Variants in BCL2 observed in about 807,000 individuals in gnomAD.
BCL2 encodes apoptosis regulator Bcl-2.
Under a neutral mutation model 14.2 loss-of-function variants are expected in BCL2, and 1 was observed. That is an observed-to-expected ratio of 0.07 (90% confidence interval 0.02 to 0.33). The LOEUF is 0.33. BCL2 is among the 10% of genes least tolerant of loss of function. BCL2 has a pLI of 0.99. For synonymous variants in BCL2, 151 were observed against 137.2 expected, an observed-to-expected ratio of 1.10 and a Z score of -0.70; for missense variants, 247 against 305.9, an observed-to-expected ratio of 0.81 and a Z score of 1.44.
intron 2 of BCL2, among the ~76,000 whole-genome samples, chr18:63,167,347 T>C (rs866815582): frequency 4.6e-5 from 7 of 152,244 alleles, no homozygotes; most frequent in African/African-American, 1.7e-4. Flanking sequence ...TTCTAGGACA[T>C]TTTAAATACA....
At chr18:63,203,150 C>T (rs1390885628) in intron 2 of BCL2, among the ~76,000 whole-genome samples, 3 of 152,306 alleles carry the variant, frequency 2.0e-5, no homozygotes, top group South Asian at 2.1e-4. Flanking sequence ...AAGCCCCTTA[C>T]GAAAACGTCT....
chr18:63,206,381 T>C (rs901026284), intron 2 of BCL2, among the ~76,000 whole-genome samples: 1 of 152,270 alleles, frequency 6.6e-6, no homozygotes, highest in African/African-American at 2.4e-5. Context: ...ACAGGGCATG[T>C]AGCCTTTTCC....
intron 2 of BCL2, among the ~76,000 whole-genome samples, chr18:63,271,101 C>T (rs569081335): frequency 6.6e-6 from 1 of 152,332 alleles, no homozygotes; most frequent in East Asian, 1.9e-4. Context: ...AGATTACAAG[C>T]ATGAGCCACT....
At chr18:63,223,862 A>G (rs187476335) in intron 2 of BCL2, among the ~76,000 whole-genome samples, 34 of 152,362 alleles carry the variant, frequency 2.2e-4, no homozygotes, top group Admixed American at 4.6e-4. Context: ...ATTCTTAAAT[A>G]TGGTCAGACA....
At chr18:63,236,207 C>T (rs963583193) in intron 2 of BCL2, among the ~76,000 whole-genome samples, 3 of 152,216 alleles carry the variant, frequency 2.0e-5, no homozygotes, top group African/African-American at 7.2e-5. Flanking sequence ...TGAGGCCTCC[C>T]CAGCCATGTG....
Position 63,149,442 on chromosome 18 carries a change from G to A in BCL2, c.586-20683C>T, listed in dbSNP as rs1037026090. On this transcript the variant is annotated intron_variant, in intron 2 of 2. Coordinates refer to ENST00000333681, the MANE Select transcript of BCL2 (RefSeq NM_000633.3). The surrounding 1 kb of genome is among the most constrained non-coding windows in gnomAD (Gnocchi z 4.2). The stretch of plus-strand genomic sequence containing the variant: ...TCCTAACAGGCCACAGACCCATACC[G>A]GTCCCGGGCTATATGTATAAGTTGC... Among the ~76,000 whole-genome samples, 8 of 152,180 alleles carry A rather than the reference G, an allele frequency of 5.3e-5. No homozygotes were observed. The highest frequency in any genetic ancestry group is 1.9e-4 in the East Asian group (1 of 5,194).
At chr18:63,211,319 A>C (rs1488670097) in intron 2 of BCL2, among the ~76,000 whole-genome samples, 1 of 151,790 alleles carries the variant, frequency 6.6e-6, no homozygotes, top group Admixed American at 6.6e-5. Flanking sequence ...CAGCCTCCCA[A>C]GGTGCTGGGA....
intron 2 of BCL2, among the ~76,000 whole-genome samples, chr18:63,186,068 C>T (rs1915587591): frequency 6.6e-6 from 1 of 152,178 alleles, no homozygotes; most frequent in Admixed American, 6.5e-5. Context: ...CAGTGATGTG[C>T]ACAGACTATT....
chr18:63,274,477 G>T (rs559908354), intron 2 of BCL2, among the ~76,000 whole-genome samples: 240 of 151,824 alleles, frequency 1.6e-3, no homozygotes, highest in Non-Finnish European at 3.0e-3. Flanking sequence ...TAGAGACAGG[G>T]TTTCACCATG....
At chr18:63,253,915 T>TC (rs985306809) in intron 2 of BCL2, among the ~76,000 whole-genome samples, 1 of 151,044 alleles carries the variant, frequency 6.6e-6, no homozygotes, top group Non-Finnish European at 1.5e-5. Flanking sequence ...TTGTCTTTTT[T>TC]TTTTTTCCAC....
intron 2 of BCL2, among the ~76,000 whole-genome samples, chr18:63,296,249 A>G (rs1254128321): frequency 6.6e-6 from 1 of 152,160 alleles, no homozygotes. Flanking sequence ...TCTATTTCCA[A>G]CCTTCCCAAC....
intron 2 of BCL2, among the ~76,000 whole-genome samples, chr18:63,261,628 C>A (rs1053773982): frequency 2.6e-5 from 4 of 151,992 alleles, no homozygotes; most frequent in African/African-American, 9.7e-5. Flanking sequence ...AGGGGATAAA[C>A]CATATTTATA....
intron 2 of BCL2, among the ~76,000 whole-genome samples, chr18:63,197,328 C>A (rs1157556673): frequency 6.6e-6 from 1 of 152,198 alleles, no homozygotes; most frequent in Non-Finnish European, 1.5e-5. Flanking sequence ...ATGCTCGTAC[C>A]TGCTACAGGT....
chr18:63,256,293 T>C (rs1434709702), intron 2 of BCL2, among the ~76,000 whole-genome samples: 2 of 152,238 alleles, frequency 1.3e-5, no homozygotes, highest in African/African-American at 2.4e-5. Context: ...CTCAGCTCAC[T>C]GCAACCTCCA....
At chr18:63,181,817 G>C (rs908460549) in intron 2 of BCL2, among the ~76,000 whole-genome samples, 1 of 152,192 alleles carries the variant, frequency 6.6e-6, no homozygotes, top group Non-Finnish European at 1.5e-5. Flanking sequence ...CCACGGCTAG[G>C]AAGCAGTCTG....
At chr18:63,294,218 T>C (rs992581212) in intron 2 of BCL2, among the ~76,000 whole-genome samples, 3 of 152,130 alleles carry the variant, frequency 2.0e-5, no homozygotes, top group African/African-American at 7.2e-5. Flanking sequence ...GACTTCTCGG[T>C]GCTAAGCAAA....
At chr18:63,200,386 C>A (rs12454618) in intron 2 of BCL2, among the ~76,000 whole-genome samples, 1 of 152,346 alleles carries the variant, frequency 6.6e-6, no homozygotes, top group Non-Finnish European at 1.5e-5. Context: ...AGAACAATAA[C>A]TGATTTATAT....
At chr18:63,153,881 A>T (rs973774060) in intron 2 of BCL2, among the ~76,000 whole-genome samples, 3 of 152,120 alleles carry the variant, frequency 2.0e-5, no homozygotes, top group Admixed American at 2.0e-4. Context: ...GACAATGATG[A>T]CTCTGGGAAG....
chr18:63,167,917 C>A (rs1915084038), intron 2 of BCL2, among the ~76,000 whole-genome samples: 1 of 146,372 alleles, frequency 6.8e-6, no homozygotes, highest in Non-Finnish European at 1.5e-5. Flanking sequence ...CAGAGTGAGA[C>A]TCCGTCTCAA....
Sources: allele counts gnomAD v4.1 joint callset (sites outside exome capture counted in the v4.1 genomes callset), GRCh38; gene constraint gnomAD v4.1.1; non-coding constraint Gnocchi (gnomAD v3.1); transcripts MANE v1.5; gene names NCBI Gene and HGNC (gene_info 2026-07-23, HGNC 2026-07-21).